HIP1: variants seen among roughly 807,000 people sequenced by gnomAD.
HIP1 encodes huntingtin interacting protein 1.
A neutral mutation model predicts 147.6 loss-of-function variants in HIP1; 65 were observed. The observed-to-expected ratio is 0.44, with a 90% confidence interval of 0.36 to 0.54. The LOEUF is 0.54. Among genes scored for constraint, HIP1 ranks in the 20% least tolerant of loss-of-function variants. The pLI, the probability that HIP1 is intolerant of heterozygous loss-of-function variation, is 0.00. For synonymous variants in HIP1, 479 were observed against 504.0 expected, an observed-to-expected ratio of 0.95 and a Z score of 0.67; for missense variants, 1,061 against 1,299.6, an observed-to-expected ratio of 0.82 and a Z score of 2.82.
chr7:75,556,933 C>G (rs782035913), intron 16 of HIP1, 122 bp from the exon 17 acceptor site: 5 of 600,692 alleles, frequency 8.3e-6, no homozygotes, highest in Non-Finnish European at 1.2e-5. Flanking sequence ...GTAAGTTACA[C>G]CCCCCCAAAA....
chr7:75,616,289 G>T (rs1158890126), intron 1 of HIP1, among the ~76,000 whole-genome samples: 2 of 151,806 alleles, frequency 1.3e-5, no homozygotes, highest in African/African-American at 4.8e-5. Flanking sequence ...TCTTGTTTAG[G>T]GACAGAGTCT....
intron 1 of HIP1, among the ~76,000 whole-genome samples, chr7:75,631,867 C>A (rs1434734982): frequency 6.6e-6 from 1 of 151,986 alleles, no homozygotes; most frequent in Non-Finnish European, 1.5e-5. Flanking sequence ...AAGAAACTCA[C>A]CCAGCTGCGC....
intron 1 of HIP1, among the ~76,000 whole-genome samples, chr7:75,684,703 G>T (rs1203098274): frequency 6.6e-6 from 1 of 152,114 alleles, no homozygotes; most frequent in Admixed American, 6.6e-5. Flanking sequence ...AATTAAAAAT[G>T]AATTATTCTG....
rs539932699 is a variant in HIP1, at chr7:75,693,474, A to G, written c.120+45327T>C. Among the ~76,000 whole-genome samples the G allele has an allele frequency of 2.0e-5, 3 of 152,234 alleles. No homozygotes were observed. The East Asian group carries it at 5.8e-4, about 29-fold the overall frequency. On this transcript the variant is annotated intron_variant, in intron 1 of 30. Coordinates refer to ENST00000336926, the MANE Select transcript of HIP1 (RefSeq NM_005338.7). ...CTTGCCGAAGTGTGCCCTCCAGGGA[A>G]AAGGATTCATGGAGATACATTTTTT...
chr7:75,659,654 GA>G (rs1235179333), intron 1 of HIP1, among the ~76,000 whole-genome samples: 3 of 149,660 alleles, frequency 2.0e-5, no homozygotes, highest in Admixed American at 6.6e-5. Context: ...ATTTCAAAGA[GA>G]AAAAAAAAGA....
At chr7:75,639,348 G>C (rs1452013180) in intron 1 of HIP1, 1 of 294,374 alleles carries the variant, frequency 3.4e-6, no homozygotes, top group African/African-American at 2.3e-5. Context: ...GGCAGAGACC[G>C]GCGCGCCCGA....
intron 1 of HIP1, among the ~76,000 whole-genome samples, chr7:75,631,315 G>A (rs587706493): frequency 6.6e-6 from 1 of 152,226 alleles, no homozygotes; most frequent in South Asian, 2.1e-4. Flanking sequence ...AGTGCTGCAA[G>A]TCTGCAGACA....
At chr7:75,609,021 C>T (rs781890286) in intron 1 of HIP1, among the ~76,000 whole-genome samples, 11 of 152,158 alleles carry the variant, frequency 7.2e-5, no homozygotes, top group South Asian at 4.1e-4. Context: ...TGGGAGTCAC[C>T]GCCTCCCAGT....
chr7:75,570,696 A>G (rs1009494301), intron 8 of HIP1, among the ~76,000 whole-genome samples: 1 of 152,148 alleles, frequency 6.6e-6, no homozygotes, highest in Non-Finnish European at 1.5e-5. Flanking sequence ...GATCTAAAAC[A>G]AAAATAAATG....
At chr7:75,677,599 CA>C (rs1799939794) in intron 1 of HIP1, among the ~76,000 whole-genome samples, 1 of 99,046 alleles carries the variant, frequency 1.0e-5, no homozygotes, top group Non-Finnish European at 2.0e-5. Flanking sequence ...TGCAAGACTC[CA>C]TCTAAAAAAA....
chr7:75,584,049 C>T (rs1321197512), intron 5 of HIP1, among the ~76,000 whole-genome samples: 1 of 151,544 alleles, frequency 6.6e-6, no homozygotes, highest in East Asian at 1.9e-4. Flanking sequence ...CAACCTCAGC[C>T]CCTTGGGTTC....
chr7:75,540,570 C>A (rs898428714), intron 29 of HIP1, among the ~76,000 whole-genome samples: 5 of 151,670 alleles, frequency 3.3e-5, no homozygotes, highest in Non-Finnish European at 2.9e-5. Flanking sequence ...GTGATCACAC[C>A]AATGCACTCC....
intron 1 of HIP1, among the ~76,000 whole-genome samples, chr7:75,637,125 C>T (rs1000414109): frequency 3.9e-5 from 6 of 152,304 alleles, no homozygotes; most frequent in East Asian, 3.9e-4. Context: ...ACTGTTGAGT[C>T]GGCCTGTATC....
intron 1 of HIP1, among the ~76,000 whole-genome samples, chr7:75,671,375 T>C (rs1185522806): frequency 6.6e-6 from 1 of 152,186 alleles, no homozygotes; most frequent in Non-Finnish European, 1.5e-5. Context: ...ATTACAGATG[T>C]GAACCACCGC....
In HIP1 at chr7:75,693,919, C is replaced by CTTTTTTTTTT. The variant is rs10628011; in HGVS notation, c.120+44872_120+44881dup. ...GTTCAGAACTATCCAATTCTCTTTT[C>CTTTTTTTTTT]TTTTTTTTTTTTTTTTTTGAGATGG... On this transcript the variant is annotated intron_variant, in intron 1 of 30. Coordinates refer to ENST00000336926, the MANE Select transcript of HIP1 (RefSeq NM_005338.7). Among the ~76,000 whole-genome samples the CTTTTTTTTTT allele has an allele frequency of 4.0e-4, 46 of 114,828 alleles. 1 individual carries two copies. Among genetic ancestry groups the CTTTTTTTTTT allele is most frequent in the East Asian group, 5.0e-4 (2 of 3,990 alleles). 75.3% of individuals were successfully genotyped at this position (114,828 alleles called of 152,430 possible). A position where few individuals can be genotyped will look rare whatever the true frequency, so the allele number is the denominator to read the frequency against.
At chr7:75,573,397 A>G (rs782175568) in intron 8 of HIP1, among the ~76,000 whole-genome samples, 6 of 152,180 alleles carry the variant, frequency 3.9e-5, no homozygotes, top group South Asian at 2.1e-4. Flanking sequence ...CTAATACTCA[A>G]TAAAGCTCCT....
chr7:75,534,540 TCTCCTGC>T lies in HIP1; in HGVS notation c.*3625_*3631del, dbSNP rs1794012850. 5.6e-6 allele frequency: 1 copy of T among 176,996 alleles called. No individual in the cohort carries two copies. Among genetic ancestry groups the T allele is most frequent in the East Asian group, 9.6e-5 (1 of 10,378 alleles). 11.0% of individuals were successfully genotyped at this position (176,996 alleles called of 1,614,324 possible). A position where few individuals can be genotyped will look rare whatever the true frequency, so the allele number is the denominator to read the frequency against. Reference sequence around the variant, plus strand: ...CCTCTGTCCCCCGGGTTCAAGTGATTCTCCTGCCTCAGCCTCCCCAGTAGCTGGGATT... The same window carrying T: ...CCTCTGTCCCCCGGGTTCAAGTGATTCTCAGCCTCCCCAGTAGCTGGGATT... On this transcript the variant is annotated 3_prime_UTR_variant, in exon 31 of 31. Transcript: ENST00000336926.
At chr7:75,585,501 A>G (rs587661765) in intron 5 of HIP1, among the ~76,000 whole-genome samples, 6 of 151,792 alleles carry the variant, frequency 4.0e-5, no homozygotes, top group Admixed American at 3.9e-4. Flanking sequence ...TCCAGTTCTC[A>G]CCTTTCCCCG....
At chr7:75,545,488 A>C (rs1249823795) in intron 25 of HIP1, among the ~76,000 whole-genome samples, 1 of 152,006 alleles carries the variant, frequency 6.6e-6, no homozygotes, top group African/African-American at 2.4e-5. Context: ...TTAAAAATAC[A>C]AAAATTAGCT....
Sources: gnomAD v4.1 joint callset for allele counts (sites outside exome capture counted in the v4.1 genomes callset) on GRCh38, gnomAD v4.1.1 for gene constraint, MANE v1.5 for transcripts, NCBI Gene and HGNC (gene_info 2026-07-23, HGNC 2026-07-21) for gene names.